The following PGAP6 variants were observed in gnomAD, a reference collection of about 807,000 sequenced individuals.
PGAP6 encodes post-GPI attachment to proteins factor 6.
A neutral mutation model predicts 68.4 loss-of-function variants in PGAP6; 62 were observed. That is an observed-to-expected ratio of 0.91 (90% CI 0.74 to 1.12). PGAP6 has a LOEUF of 1.12. Ranked by LOEUF, PGAP6 falls within the 50% of genes most tolerant of loss-of-function variation. The pLI is 0.00. For missense variants in PGAP6, 1,188 were observed against 1,068.5 expected (o/e 1.11, Z -1.56); for synonymous variants, 575 against 474.0 (o/e 1.21, Z -2.77).
rs746484549 is a variant in PGAP6, at chr16:374,093, G to A, written c.1814C>T (p.Thr605Met). ...EAVLCILSYD[T>M]LQYCDFLGSG... ...GCCCAAGAAGTCGCAGTACTGCAGCGTGTCGTAGCTGAGGATGCACAGCAC... is the reference window on the plus strand; with the variant it reads ...GCCCAAGAAGTCGCAGTACTGCAGCATGTCGTAGCTGAGGATGCACAGCAC... The change falls in exon 11 of 13, where the codon ACG (threonine) becomes ATG (methionine). Residue 605 changes from threonine to methionine, a missense_variant. Coordinates refer to ENST00000431232, the MANE Select transcript of PGAP6 (RefSeq NM_021259.3). The A allele has an allele frequency of 5.6e-6, 9 of 1,611,926 alleles. No individual in the cohort carries two copies. Among genetic ancestry groups the A allele is most frequent in the East Asian group, 4.5e-5 (2 of 44,884 alleles).
upstream of PGAP6, chr16:383,195 A>G (rs895048400): frequency 7.2e-6 from 1 of 139,086 alleles, no homozygotes; most frequent in Non-Finnish European, 1.5e-5. Flanking sequence ...GAGGGTAAAA[A>G]GTTTAAAAAA....
chr16:374,643 C>T, intron 9 of PGAP6, 113 bp downstream of exon 9: 2 of 1,434,282 alleles, frequency 1.4e-6, no homozygotes, highest in Non-Finnish European at 1.9e-6. Context: ...CTGCATTGCT[C>T]TGCAAGGGTC....
intron 1 of PGAP6, 55 bp downstream of exon 1, chr16:381,646 C>G (rs2054439275): frequency 8.6e-7 from 1 of 1,161,372 alleles, no homozygotes; most frequent in Non-Finnish European, 1.1e-6. Context: ...CACAATCCCG[C>G]CCCGCCCGCA....
Position 372,621 on chromosome 16 carries a change from G to T in PGAP6, c.2009C>A (p.Ala670Asp). The T allele has an allele frequency of 6.2e-7, 1 of 1,611,026 alleles. No individual in the cohort carries two copies. Reference sequence around the variant, plus strand: ...AGCCCGGCTCCTTACCCACATGGAGGCCATGATCACGAAGGCAAAGAGGCA... The same window carrying T: ...AGCCCGGCTCCTTACCCACATGGAGTCCATGATCACGAAGGCAAAGAGGCA... ...GPCLFAFVIM[A>D]SMWAYRCGHR... is the part of the protein sequence containing the mutation. Residue 670 changes from alanine to aspartate, a missense_variant, in exon 12 of 13, where the codon GCC (alanine) becomes GAC (aspartate). By Grantham distance (126) the Ala-to-Asp change is moderately radical. Transcript: ENST00000431232.
chr16:386,726 C>CAAAAAAAAAAAAAAAAAAAA, upstream of PGAP6: 2 of 311,116 alleles, frequency 6.4e-6, no homozygotes, highest in Admixed American at 4.9e-5. Flanking sequence ...AAAAAAAAAC[C>CAAAAAAAAAAAAAAAAAAAA]AAAAAAAAAA....
Position 370,970 on chromosome 16 carries a change from G to C in PGAP6, c.*1017C>G, listed in dbSNP as rs184694899. 1 of 152,218 alleles carries C rather than the reference G, an allele frequency of 6.6e-6. No homozygotes were observed. Among genetic ancestry groups the C allele is most frequent in the African/African-American group, 2.4e-5 (1 of 41,438 alleles). 9.4% of individuals were successfully genotyped at this position (152,218 alleles called of 1,614,324 possible). A position where few individuals can be genotyped will look rare whatever the true frequency, so the allele number is the denominator to read the frequency against. ...GTCAAGTGCAGGGCGGCTGGGGGAG[G>C]TAAGACCTTCAGGAAGGCCATATCC... On this transcript the variant is annotated 3_prime_UTR_variant, in exon 13 of 13. Transcript: ENST00000431232.
intron 8 of PGAP6, 94 bp from the exon 9 acceptor site, chr16:374,986 G>T (rs2054368630): frequency 1.3e-6 from 2 of 1,586,974 alleles, no homozygotes; most frequent in South Asian, 1.1e-5. Context: ...TGAGAACGCA[G>T]CATTAGGGCC....
chr16:379,181 C>T (rs1199283688), intron 1 of PGAP6, among the ~76,000 whole-genome samples: 1 of 152,204 alleles, frequency 6.6e-6, no homozygotes, highest in Non-Finnish European at 1.5e-5. Flanking sequence ...AGCTCCCCCT[C>T]CCCACACACT....
At position 376,552 on chromosome 16, in the gene PGAP6, G is replaced by C; in HGVS notation, c.896C>G (p.Ala299Gly). 1 of 1,546,862 alleles carries C rather than the reference G, an allele frequency of 6.5e-7. No individual in the cohort carries two copies. The highest frequency in any genetic ancestry group is 2.3e-5 in the East Asian group (1 of 44,298). Reference sequence around the variant, plus strand: ...GCCCTTGTGCGGCCCACCTGTGAGGGCAGCTACAGCACTGAAAGCCACTGT... The same window carrying C: ...GCCCTTGTGCGGCCCACCTGTGAGGCCAGCTACAGCACTGAAAGCCACTGT... ...LGTVAFSAVAALTACRPRSVT... is the reference protein window; with the variant it reads ...LGTVAFSAVAGLTACRPRSVT... Residue 299 changes from alanine (A) to glycine (G), a missense_variant, in exon 5 of 13, where the codon GCC becomes GGC. Transcript: ENST00000431232.
Position 371,941 on chromosome 16 carries a change from C to G in PGAP6, c.*46G>C, listed in dbSNP as rs980427699. The G allele has an allele frequency of 2.3e-5, 37 of 1,582,720 alleles. No individual in the cohort carries two copies. Among genetic ancestry groups the G allele is most frequent in the Non-Finnish European group, 3.1e-5 (36 of 1,162,672 alleles). ...CAGGCGCCTCCCCCTCGATACAGCTCCTGGCTGAAGAGGTCATCAGAGCAG... is the reference window on the plus strand; with the variant it reads ...CAGGCGCCTCCCCCTCGATACAGCTGCTGGCTGAAGAGGTCATCAGAGCAG... On this transcript the variant is annotated 3_prime_UTR_variant, in exon 13 of 13. Coordinates refer to ENST00000431232, the MANE Select transcript of PGAP6 (RefSeq NM_021259.3).
At position 374,859 on chromosome 16, in the gene PGAP6, G is replaced by T; in HGVS notation, c.1473C>A (p.Thr491=). ...TCAAACAGGGCACCAGGTACAAGGT[G>T]GTCTCCACGTGGACCACAGCCTGCT... ...DCEQAVVHVE[T]TLYLVPCLND... Residue 491 remains threonine, a synonymous_variant, in exon 9 of 13, where the codon ACC becomes ACA. Coordinates refer to ENST00000431232, the MANE Select transcript of PGAP6 (RefSeq NM_021259.3). 6.2e-7 allele frequency: 1 copy of T among 1,612,970 alleles called. No individual in the cohort carries two copies. Among genetic ancestry groups the T allele is most frequent in the Non-Finnish European group, 8.5e-7 (1 of 1,179,952 alleles).
At chr16:380,928 G>A (rs2054431849) in intron 1 of PGAP6, among the ~76,000 whole-genome samples, 1 of 152,226 alleles carries the variant, frequency 6.6e-6, no homozygotes. Context: ...CCCCTCCAGA[G>A]TCCCAGGCCA....
Position 374,007 on chromosome 16 carries a change from A to G in PGAP6, c.1900T>C (p.Tyr634His), listed in dbSNP as rs1289701295. The G allele has an allele frequency of 6.2e-7, 1 of 1,605,732 alleles. No homozygotes were observed. Among genetic ancestry groups the G allele is most frequent in the African/African-American group, 1.3e-5 (1 of 74,930 alleles). The part of the protein sequence containing the change: ...CMARLKTVLK[Y>H]VLFLLGTLVI... ...ACCCCACGTCGAGGGCCACTCACGTATTTCAGGACTGTCTTGAGCCGTGCC... is the reference window on the plus strand; with the variant it reads ...ACCCCACGTCGAGGGCCACTCACGTGTTTCAGGACTGTCTTGAGCCGTGCC... The change falls in exon 11 of 13, where the codon TAC becomes CAC. Residue 634 changes from tyrosine (Y) to histidine (H), a missense_variant and splice_region_variant. Physicochemically the swap from Tyr to His is moderately conservative, Grantham distance 83. Coordinates refer to ENST00000431232, the MANE Select transcript of PGAP6 (RefSeq NM_021259.3).
rs775558107 is a variant in PGAP6, at chr16:372,098, C to A, written c.2205G>T (p.Leu735Phe). ...WHILLAGSAA[L>F]LLPPPDQPAE... ...CGGGCTGGTCAGGTGGCGGCAGCAG[C>A]AAGGCTGCGCTCCCGGCCAGCAGGA... is the stretch of plus-strand genomic sequence containing the variant. Residue 735 changes from leucine to phenylalanine, a missense_variant, in exon 13 of 13, where the codon TTG becomes TTT. Coordinates refer to ENST00000431232, the MANE Select transcript of PGAP6 (RefSeq NM_021259.3). 3 of 1,612,426 alleles carry A rather than the reference C, an allele frequency of 1.9e-6. No individual in the cohort carries two copies. The Admixed American group carries it at 5.0e-5, about 27-fold the overall frequency.
At chr16:385,774 GC>G (rs2054480572), upstream of PGAP6, among the ~76,000 whole-genome samples, 4 of 150,930 alleles carry the variant, frequency 2.7e-5, no homozygotes, top group South Asian at 8.4e-4. Flanking sequence ...ACAGGCGCCT[GC>G]CAACACACCC....
At chr16:384,997 C>T (rs1216442385), upstream of PGAP6, among the ~76,000 whole-genome samples, 1 of 151,454 alleles carries the variant, frequency 6.6e-6, no homozygotes, top group Non-Finnish European at 1.5e-5. Flanking sequence ...TTATTTTTGT[C>T]TCTACTAAAA....
intron 11 of PGAP6, among the ~76,000 whole-genome samples, chr16:373,744 C>A (rs1032339300): frequency 6.6e-6 from 1 of 152,182 alleles, no homozygotes; most frequent in Non-Finnish European, 1.5e-5. Flanking sequence ...TGCTCTTGAA[C>A]CCCTGGCCTC....
In PGAP6 at chr16:374,840, A is replaced by G. The variant is rs2054366685; in HGVS notation, c.1492T>C (p.Cys498Arg). 2 of 1,612,900 alleles carry G rather than the reference A, an allele frequency of 1.2e-6. No individual in the cohort carries two copies. Residue 498 changes from cysteine (C) to arginine (R), a missense_variant, in exon 9 of 13, where the codon TGT (cysteine) becomes CGT (arginine). Cys to Arg is a radical substitution (Grantham distance 180, BLOSUM62 -3). Transcript: ENST00000431232. ...HVETTLYLVP[C>R]LNDCGPYGQC... ...CCATAGGGTCCACAATCGTTCAAAC[A>G]GGGCACCAGGTACAAGGTGGTCTCC...
chr16:372,819 G>T, intron 11 of PGAP6, 92 bp from the exon 12 acceptor site: 1 of 890,378 alleles, frequency 1.1e-6, no homozygotes, highest in South Asian at 1.6e-5. Flanking sequence ...CAGCACCTCT[G>T]CCTGCCCCCT....
Sources: allele counts gnomAD v4.1 joint callset (sites outside exome capture counted in the v4.1 genomes callset), GRCh38; gene constraint gnomAD v4.1.1; transcripts MANE v1.5; gene names NCBI Gene and HGNC (gene_info 2026-07-23, HGNC 2026-07-21).